SRGAP1: variants seen among roughly 807,000 people sequenced by gnomAD.
SRGAP1 encodes the protein SLIT-ROBO Rho GTPase-activating protein 1.
SRGAP1 carries 43 observed loss-of-function variants against 121.9 expected under a neutral mutation model. The observed-to-expected ratio is 0.35, with a 90% CI of 0.28 to 0.46. The LOEUF is 0.46. Among genes scored for constraint, SRGAP1 ranks in the 20% least tolerant of loss-of-function variants. The pLI is 1.00. For missense variants in SRGAP1, 1,102 were observed against 1,350.9 expected, an observed-to-expected ratio of 0.82 and a Z score of 2.89; for synonymous variants, 447 against 485.4, an observed-to-expected ratio of 0.92 and a Z score of 1.04.
At chr12:64,069,382 C>T (rs938591440) in intron 8 of SRGAP1, among the ~76,000 whole-genome samples, 1 of 152,166 alleles carries the variant, frequency 6.6e-6, no homozygotes, top group Non-Finnish European at 1.5e-5. Context: ...GAGATTGTGA[C>T]ATTTATTGTC....
chr12:63,906,880 A>ATT (rs200869779), intron 1 of SRGAP1, among the ~76,000 whole-genome samples: 3 of 143,336 alleles, frequency 2.1e-5, no homozygotes, highest in African/African-American at 2.6e-5. Flanking sequence ...TATTATTTGT[A>ATT]TTTTTTTTTT....
chr12:63,988,428 A>G (rs959299799), intron 2 of SRGAP1, among the ~76,000 whole-genome samples: 2 of 152,146 alleles, frequency 1.3e-5, no homozygotes, highest in African/African-American at 4.8e-5. Context: ...AAAAAGGGAG[A>G]TCTCAGGGTA....
intron 12 of SRGAP1, among the ~76,000 whole-genome samples, chr12:64,093,079 A>G (rs926048929): frequency 8.5e-5 from 13 of 152,166 alleles, no homozygotes; most frequent in African/African-American, 1.9e-4. Flanking sequence ...ATCACTTGCA[A>G]TCTCCACAAT....
intron 21 of SRGAP1, among the ~76,000 whole-genome samples, chr12:64,137,961 A>AAATATATATATATAT (rs372355390): frequency 2.9e-5 from 4 of 139,682 alleles, no homozygotes; most frequent in African/African-American, 1.1e-4. Flanking sequence ...TTAAAAAAAA[A>AAATATATATATATAT]ATATATATAT....
At chr12:64,020,315 G>T (rs1231624266) in intron 4 of SRGAP1, among the ~76,000 whole-genome samples, 1 of 152,120 alleles carries the variant, frequency 6.6e-6, no homozygotes, top group Non-Finnish European at 1.5e-5. Context: ...TAATACAATA[G>T]AGCACAGGTT....
intron 1 of SRGAP1, among the ~76,000 whole-genome samples, chr12:63,895,520 C>T (rs191672051): frequency 3.9e-5 from 6 of 152,318 alleles, no homozygotes; most frequent in African/African-American, 1.4e-4. Flanking sequence ...GTCTATTAGA[C>T]AACACAGTTC....
intron 12 of SRGAP1, among the ~76,000 whole-genome samples, chr12:64,093,214 T>G (rs2036088581): frequency 6.6e-6 from 1 of 152,134 alleles, no homozygotes; most frequent in Non-Finnish European, 1.5e-5. Context: ...AAATATTTTC[T>G]TATGTTTTCT....
At chr12:63,848,931 CAG>C (rs1898990103) in intron 1 of SRGAP1, among the ~76,000 whole-genome samples, 1 of 152,070 alleles carries the variant, frequency 6.6e-6, no homozygotes, top group African/African-American at 2.4e-5. Flanking sequence ...ACAGAAAAAA[CAG>C]TAATCAAAAC....
At chr12:64,032,580 C>T (rs996140844) in intron 4 of SRGAP1, 4 of 772,248 alleles carry the variant, frequency 5.2e-6, no homozygotes, top group Non-Finnish European at 6.4e-6. Context: ...TAGCTCTGCA[C>T]ATAAGTCCTG....
At chr12:64,117,118 G>A (rs2036535640) in intron 18 of SRGAP1, among the ~76,000 whole-genome samples, 1 of 152,138 alleles carries the variant, frequency 6.6e-6, no homozygotes, top group Non-Finnish European at 1.5e-5. Flanking sequence ...TGGCTCCAAT[G>A]GGCAGGTTGG....
intron 1 of SRGAP1, among the ~76,000 whole-genome samples, chr12:63,869,524 C>T (rs1461763563): frequency 6.6e-6 from 1 of 152,136 alleles, no homozygotes; most frequent in Non-Finnish European, 1.5e-5. Context: ...CCTTCTAAAA[C>T]ACCCCCAAAT....
chr12:64,108,818 CAA>C, intron 15 of SRGAP1, 112 bp from the exon 16 acceptor site: 1 of 611,702 alleles, frequency 1.6e-6, no homozygotes, highest in Non-Finnish European at 2.6e-6. Flanking sequence ...GGATCTCACA[CAA>C]GAGCAGGGTG....
chr12:63,971,985 G>A (rs906110572), intron 1 of SRGAP1, among the ~76,000 whole-genome samples: 5 of 152,140 alleles, frequency 3.3e-5, no homozygotes, highest in African/African-American at 1.2e-4. Context: ...GTGGACCAGA[G>A]GTGATTGGAG....
At chr12:64,035,679 T>C (rs2034889667) in intron 4 of SRGAP1, among the ~76,000 whole-genome samples, 1 of 152,170 alleles carries the variant, frequency 6.6e-6, no homozygotes, top group Non-Finnish European at 1.5e-5. Flanking sequence ...TGCAGTCGCC[T>C]CCAAGGCCAT....
chr12:64,105,288 A>G (rs2036326251), intron 15 of SRGAP1, among the ~76,000 whole-genome samples: 1 of 152,270 alleles, frequency 6.6e-6, no homozygotes, highest in Non-Finnish European at 1.5e-5. Flanking sequence ...TGCATACCAC[A>G]TTTTGTTTAT....
At chr12:63,955,091 G>A (rs2032422646) in intron 1 of SRGAP1, among the ~76,000 whole-genome samples, 1 of 152,224 alleles carries the variant, frequency 6.6e-6, no homozygotes, top group Non-Finnish European at 1.5e-5. Flanking sequence ...CCCGAGGTGG[G>A]CGGATCACTT....
At chr12:63,950,508 G>T (rs1264981295) in intron 1 of SRGAP1, among the ~76,000 whole-genome samples, 1 of 151,938 alleles carries the variant, frequency 6.6e-6, no homozygotes, top group Non-Finnish European at 1.5e-5. Flanking sequence ...TGGCTCTAAC[G>T]TGCTGCACAT....
At chr12:64,003,591 A>C (rs1396812821) in intron 3 of SRGAP1, among the ~76,000 whole-genome samples, 1 of 152,102 alleles carries the variant, frequency 6.6e-6, no homozygotes, top group Non-Finnish European at 1.5e-5. Flanking sequence ...GAATGGAGCT[A>C]ACAGAGGGAA....
chr12:63,966,050 C>T (rs904985349), intron 1 of SRGAP1, among the ~76,000 whole-genome samples: 1 of 152,174 alleles, frequency 6.6e-6, no homozygotes, highest in Non-Finnish European at 1.5e-5. Context: ...GAACTCCTGA[C>T]CTCAAGTGAT....
Sources: gnomAD v4.1 joint callset for allele counts (sites outside exome capture counted in the v4.1 genomes callset) on GRCh38, gnomAD v4.1.1 for gene constraint, MANE v1.5 for transcripts, NCBI Gene and HGNC (gene_info 2026-07-23, HGNC 2026-07-21) for gene names.